Variants in DYTN observed in about 807,000 individuals in gnomAD.
DYTN encodes the protein dystrotelin.
In DYTN, 75 loss-of-function variants were observed where a neutral mutation model predicts 69.6. That is an observed-to-expected ratio of 1.08 (90% CI 0.89 to 1.31). The LOEUF is 1.31. Among genes scored for constraint, DYTN ranks in the 50% most tolerant of loss-of-function variants. The probability of loss-of-function intolerance (pLI) is 0.00; values close to 1 mark genes in which losing one functional copy is unlikely to be tolerated. For missense variants in DYTN, 726 were observed against 688.4 expected (o/e 1.05, Z -0.61); for synonymous variants, 252 against 249.1 (o/e 1.01, Z -0.11).
rs554831382 is a variant in DYTN at position 206,651,917 on chromosome 2, C to T, written c.1638G>A (p.Pro546=). 4 of 1,611,332 alleles carry T rather than the reference C, an allele frequency of 2.5e-6. No individual in the cohort carries two copies. The highest frequency in any genetic ancestry group is 1.1e-5 in the South Asian group (1 of 90,780). Residue 546 remains proline (P), a synonymous_variant, in exon 12 of 12, where the codon CCG becomes CCA. Coordinates refer to ENST00000452335, the MANE Select transcript of DYTN (RefSeq NM_001093730.1). ...DAFNLETPSG[P]ESSVNMDLYS... The stretch of plus-strand genomic sequence containing the variant: ...ACAGGTCCATGTTTACTGAAGACTC[C>T]GGGCCTGAAATCAACAAACAAGAGA...
intron 5 of DYTN, among the ~76,000 whole-genome samples, chr2:206,700,818 G>A (rs909204308): frequency 1.6e-4 from 25 of 152,070 alleles, no homozygotes; most frequent in African/African-American, 5.8e-4. Context: ...GCGTCCATGT[G>A]TTCTCATTGT....
intron 11 of DYTN, among the ~76,000 whole-genome samples, chr2:206,653,829 G>GT (rs1443687441): frequency 6.6e-6 from 1 of 152,150 alleles, no homozygotes; most frequent in East Asian, 1.9e-4. Context: ...CCGCATAACA[G>GT]TTTTCCCAGC....
In DYTN at chr2:206,718,346, A is replaced by T; in HGVS notation, c.-67T>A. 2 of 1,548,832 alleles carry T rather than the reference A, an allele frequency of 1.3e-6. No homozygotes were observed. The highest frequency in any genetic ancestry group is 1.8e-6 in the Non-Finnish European group (2 of 1,138,688). ...GTAACTAGAAATGAACCAGTATTTT[A>T]AGCAGAAGGTTTTGCAGCAGAGGAA... On this transcript the variant is annotated 5_prime_UTR_variant, in exon 1 of 12. Transcript: ENST00000452335.
intron 9 of DYTN, among the ~76,000 whole-genome samples, chr2:206,669,571 G>C (rs1265686648): frequency 6.6e-6 from 1 of 151,994 alleles, no homozygotes; most frequent in Non-Finnish European, 1.5e-5. Flanking sequence ...AGTAGACATG[G>C]ATTATATCAA....
Position 206,693,188 on chromosome 2 carries a change from G to C in DYTN, c.967C>G (p.His323Asp). 6.2e-7 allele frequency: 1 copy of C among 1,611,404 alleles called. No homozygotes were observed. The highest frequency in any genetic ancestry group is 8.5e-7 in the Non-Finnish European group (1 of 1,179,286). The change falls in exon 9 of 12, where the codon CAT (histidine) becomes GAT (aspartate). Residue 323 changes from histidine (H) to aspartate (D), a missense_variant. Coordinates refer to ENST00000452335, the MANE Select transcript of DYTN (RefSeq NM_001093730.1). ...DQVNPKGVPH[H>D]AQARLLKKQL... ...GCAGCCACTCACCTGGCCTGCGCAT[G>C]GTGAGGCACACCCTTTGGATTCACC...
intron 8 of DYTN, 142 bp downstream of exon 8, chr2:206,694,624 G>A (rs1559314126): frequency 1.9e-6 from 1 of 538,004 alleles, no homozygotes; most frequent in Non-Finnish European, 3.1e-6. Context: ...TCAAGGTGGA[G>A]TTTGCCACTT....
At chr2:206,652,232 G>GA (rs1177741699) in intron 11 of DYTN, among the ~76,000 whole-genome samples, 1 of 152,192 alleles carries the variant, frequency 6.6e-6, no homozygotes, top group Non-Finnish European at 1.5e-5. Context: ...TGGAGATTGT[G>GA]AAAACAGATT....
At chr2:206,716,562 A>G (rs534258097) in intron 1 of DYTN, among the ~76,000 whole-genome samples, 3 of 152,126 alleles carry the variant, frequency 2.0e-5, no homozygotes, top group South Asian at 4.1e-4. Flanking sequence ...GTTATTCATC[A>G]TTTCCTTAGG....
chr2:206,699,604 C>A, intron 7 of DYTN, 123 bp downstream of exon 7: 2 of 1,242,104 alleles, frequency 1.6e-6, no homozygotes, highest in South Asian at 2.0e-5. Flanking sequence ...ATCATTGAGC[C>A]AAAAAAGTCA....
chr2:206,654,531 G>A (rs56140055), intron 11 of DYTN, among the ~76,000 whole-genome samples: 10 of 152,104 alleles, frequency 6.6e-5, no homozygotes, highest in Non-Finnish European at 1.3e-4. Flanking sequence ...TTATTTTACT[G>A]GTAAGGCTTC....
intron 9 of DYTN, among the ~76,000 whole-genome samples, chr2:206,676,867 C>G (rs1279500216): frequency 6.6e-6 from 1 of 152,064 alleles, no homozygotes; most frequent in African/African-American, 2.4e-5. Context: ...ACAGGTGCAC[C>G]TTTATCCCCA....
At chr2:206,652,935 T>G (rs1448473436) in intron 11 of DYTN, among the ~76,000 whole-genome samples, 2 of 152,220 alleles carry the variant, frequency 1.3e-5, no homozygotes, top group East Asian at 3.8e-4. Context: ...ACATTATTTG[T>G]GTAATTAATA....
chr2:206,702,826 A>G (rs946143847), intron 5 of DYTN, among the ~76,000 whole-genome samples: 1 of 152,206 alleles, frequency 6.6e-6, no homozygotes. Context: ...AAAGATGTGC[A>G]TAAAGATTTT....
At chr2:206,696,652 C>A (rs1238137863) in intron 7 of DYTN, among the ~76,000 whole-genome samples, 1 of 152,148 alleles carries the variant, frequency 6.6e-6, no homozygotes, top group Non-Finnish European at 1.5e-5. Context: ...CAAAGTTACA[C>A]AACTACTTAG....
chr2:206,687,286 T>C (rs1699822140), intron 9 of DYTN: 1 of 155,200 alleles, frequency 6.4e-6, no homozygotes, highest in Admixed American at 6.5e-5. Context: ...CCTTACAAGA[T>C]ACGACCACCA....
intron 7 of DYTN, among the ~76,000 whole-genome samples, chr2:206,696,007 T>A (rs1390263511): frequency 1.3e-5 from 2 of 152,222 alleles, no homozygotes; most frequent in Admixed American, 6.5e-5. Flanking sequence ...CGGCAAAACT[T>A]TGACATGGAA....
At chr2:206,679,856 C>T (rs867624605) in intron 9 of DYTN, among the ~76,000 whole-genome samples, 6 of 152,144 alleles carry the variant, frequency 3.9e-5, no homozygotes, top group African/African-American at 1.2e-4. Flanking sequence ...TTGTAACAAA[C>T]CTTCTGAATG....
chr2:206,701,610 T>G (rs2884769), intron 5 of DYTN, among the ~76,000 whole-genome samples: 41,930 of 151,938 alleles, frequency 0.28, 6,008 homozygotes, highest in East Asian at 0.43. Context: ...AACAGAAGAA[T>G]AGTGGATGCC....
At chr2:206,696,572 A>AG (rs1699921940) in intron 7 of DYTN, among the ~76,000 whole-genome samples, 1 of 152,244 alleles carries the variant, frequency 6.6e-6, no homozygotes, top group Non-Finnish European at 1.5e-5. Context: ...AAATTCTTTC[A>AG]GGTATTCATA....
Sources: gnomAD v4.1 joint callset for allele counts (sites outside exome capture counted in the v4.1 genomes callset) on GRCh38, gnomAD v4.1.1 for gene constraint, MANE v1.5 for transcripts, NCBI Gene and HGNC (gene_info 2026-07-23, HGNC 2026-07-21) for gene names.